DHTKD1: variants seen among roughly 807,000 people sequenced by gnomAD.
DHTKD1 encodes the protein 2-oxoadipate dehydrogenase complex component E1.
In DHTKD1, 78 loss-of-function variants were observed where a neutral mutation model predicts 101.8. The observed-to-expected ratio is 0.77, with a 90% CI of 0.64 to 0.93. The LOEUF (loss-of-function observed/expected upper bound fraction) is 0.93. DHTKD1 is among the 40% of genes least tolerant of loss of function. The pLI is 0.00. For synonymous variants in DHTKD1, 462 were observed against 450.3 expected, an observed-to-expected ratio of 1.03 and a Z score of -0.33; for missense variants, 1,223 against 1,161.7, an observed-to-expected ratio of 1.05 and a Z score of -0.77.
At chr10:12,109,331 G>A (rs1833294162) in intron 12 of DHTKD1, among the ~76,000 whole-genome samples, 2 of 151,808 alleles carry the variant, frequency 1.3e-5, no homozygotes, top group Non-Finnish European at 2.9e-5. Flanking sequence ...TGATGACATC[G>A]AGAATTTTAT....
chr10:12,086,517 C>T (rs912222722), intron 3 of DHTKD1, among the ~76,000 whole-genome samples: 3 of 151,446 alleles, frequency 2.0e-5, no homozygotes, highest in African/African-American at 7.3e-5. Context: ...CCGCGCCCAG[C>T]CTAAAATGTG....
intron 2 of DHTKD1, among the ~76,000 whole-genome samples, chr10:12,081,892 G>C (rs1832826017): frequency 6.6e-6 from 1 of 151,644 alleles, no homozygotes; most frequent in Admixed American, 6.6e-5. Context: ...TTGGGAGCCC[G>C]AGGTGGGAGA....
chr10:12,104,082 T>C (rs1025673741), intron 10 of DHTKD1, among the ~76,000 whole-genome samples: 4 of 152,210 alleles, frequency 2.6e-5, no homozygotes, highest in Non-Finnish European at 5.9e-5. Context: ...GGATGTTTCA[T>C]GTGACTAGAA....
chr10:12,079,733 C>T (rs1362985269), intron 1 of DHTKD1, among the ~76,000 whole-genome samples: 1 of 152,114 alleles, frequency 6.6e-6, no homozygotes, highest in East Asian at 1.9e-4. Flanking sequence ...CATAGTCTGT[C>T]TGGATTTTAG....
At position 12,107,905 on chromosome 10, in the gene DHTKD1, C is replaced by T. The variant is rs375385370; in HGVS notation, c.2048-4C>T. 3.2e-4 allele frequency: 509 copies of T among 1,606,634 alleles called. No homozygotes were observed. The highest frequency in any genetic ancestry group is 3.6e-4 in the Non-Finnish European group (419 of 1,173,414). Reference sequence around the variant, plus strand: ...CTCTTACTCCCCACGTGGTACTTTTCCAGGAGAGGCCAAGTGGCTCCTACA... The same window carrying T: ...CTCTTACTCCCCACGTGGTACTTTTTCAGGAGAGGCCAAGTGGCTCCTACA... On this transcript the variant is annotated splice_polypyrimidine_tract_variant and splice_region_variant and intron_variant, in intron 11 of 16. Transcript: ENST00000263035. This position sits in a 1 kb window ranked among gnomAD's most constrained non-coding sequence, Gnocchi z 4.1.
intron 13 of DHTKD1, among the ~76,000 whole-genome samples, chr10:12,114,827 G>A (rs1461270549): frequency 4.0e-5 from 6 of 151,864 alleles, no homozygotes; most frequent in African/African-American, 1.2e-4. Flanking sequence ...ACGGAGTCTC[G>A]CTCTGTCGCC....
Position 12,089,164 on chromosome 10 carries a change from G to T in DHTKD1, c.896G>T (p.Gly299Val), listed in dbSNP as rs754347762. 1 of 1,614,130 alleles carries T rather than the reference G, an allele frequency of 6.2e-7. No homozygotes were observed. The highest frequency in any genetic ancestry group is 1.1e-5 in the South Asian group (1 of 91,084). ...HLEAVNPVAVGKTRGRQQSRQ... is the reference protein window; with the variant it reads ...HLEAVNPVAVVKTRGRQQSRQ... ...GAGGCCGTCAACCCCGTGGCCGTGG[G>T]CAAAACTCGCGGCAGGCAGCAGTCT... Residue 299 changes from glycine (G) to valine (V), a missense_variant, in exon 5 of 17, where the codon GGC (glycine) becomes GTC (valine). Physicochemically the swap from Gly to Val is moderately radical, Grantham distance 109 (BLOSUM62 -3). Coordinates refer to ENST00000263035, the MANE Select transcript of DHTKD1 (RefSeq NM_018706.7).
Position 12,121,200 on chromosome 10 carries a change from A to C in DHTKD1, c.*312A>C. ...ACACCATTGCTGTCCAGCCTGGGTG[A>C]CAGAGCAAGACTGCGTTTCAAAAAA... On this transcript the variant is annotated 3_prime_UTR_variant, in exon 17 of 17. Coordinates refer to ENST00000263035, the MANE Select transcript of DHTKD1 (RefSeq NM_018706.7). 5.6e-6 allele frequency: 1 copy of C among 177,316 alleles called. No individual in the cohort carries two copies. The highest frequency in any genetic ancestry group is 1.3e-4 in the East Asian group (1 of 7,412). 11.0% of individuals were successfully genotyped at this position (177,316 alleles called of 1,614,324 possible). A position where few individuals can be genotyped will look rare whatever the true frequency, so the allele number is the denominator to read the frequency against.
Position 12,087,277 on chromosome 10 carries a change from ATTCTAAGGGGG to A in DHTKD1, c.523-255_523-245del, listed in dbSNP as rs1272459133. ...TGGATTCCAGTCCAGAAGAACACAC[ATTCTAAGGGGG>A]TTTCCTTGGGGTGAGTTATTCTGCC... On this transcript the variant is annotated intron_variant, in intron 3 of 16. Coordinates refer to ENST00000263035, the MANE Select transcript of DHTKD1 (RefSeq NM_018706.7). The surrounding 1 kb of genome is among the most constrained non-coding windows in gnomAD (Gnocchi z 5.2). Among the ~76,000 whole-genome samples, 1 of 152,142 alleles carries A rather than the reference ATTCTAAGGGGG, an allele frequency of 6.6e-6. No individual in the cohort carries two copies. The highest frequency in any genetic ancestry group is 1.5e-5 in the Non-Finnish European group (1 of 68,028).
chr10:12,090,989 G>A (rs1025965888), intron 5 of DHTKD1, among the ~76,000 whole-genome samples: 1 of 152,110 alleles, frequency 6.6e-6, no homozygotes, highest in Non-Finnish European at 1.5e-5. Flanking sequence ...CGGAGGCGGA[G>A]CTTGCAGTGA....
chr10:12,091,777 T>G, intron 6 of DHTKD1, 93 bp downstream of exon 6: 1 of 937,618 alleles, frequency 1.1e-6, no homozygotes, highest in Non-Finnish European at 1.6e-6. Context: ...GCCTCACTGG[T>G]TATCCCTCCT....
chr10:12,091,851 C>T (rs2131360878), intron 6 of DHTKD1, among the ~76,000 whole-genome samples, 167 bp downstream of exon 6: 1 of 152,144 alleles, frequency 6.6e-6, no homozygotes, highest in Non-Finnish European at 1.5e-5. Context: ...GTCACCCAGC[C>T]TGTAGTGCAG....
Position 12,120,944 on chromosome 10 carries a change from G to C in DHTKD1, c.*56G>C. 6.6e-7 allele frequency: 1 copy of C among 1,519,196 alleles called. No homozygotes were observed. Among genetic ancestry groups the C allele is most frequent in the East Asian group, 2.3e-5 (1 of 43,010 alleles). 94.1% of individuals were successfully genotyped at this position (1,519,196 alleles called of 1,614,324 possible). The stretch of plus-strand genomic sequence containing the variant: ...TTAAGAAAATGGCCATTAAGGCCGG[G>C]TGGGGTGGCACATGCCTGTAATCCC... On this transcript the variant is annotated 3_prime_UTR_variant, in exon 17 of 17. Coordinates refer to ENST00000263035, the MANE Select transcript of DHTKD1 (RefSeq NM_018706.7).
intron 4 of DHTKD1, among the ~76,000 whole-genome samples, chr10:12,088,459 C>A (rs1832936776): frequency 6.6e-6 from 1 of 150,988 alleles, no homozygotes; most frequent in Non-Finnish European, 1.5e-5. Context: ...AAGACAGAGC[C>A]AGATCCTGTC....
intron 13 of DHTKD1, among the ~76,000 whole-genome samples, chr10:12,117,246 G>T (rs1833432889): frequency 6.6e-6 from 1 of 151,402 alleles, no homozygotes; most frequent in Non-Finnish European, 1.5e-5. Context: ...CTGACCTCAG[G>T]TGATCCGCCC....
chr10:12,087,428 C>T lies in DHTKD1; in HGVS notation c.523-107C>T. ...TGTAGTAAAGTGGCATTGCTGTGGC[C>T]ACTTGGGGAGTGTGGGGCCATCTCA... On this transcript the variant is annotated intron_variant, in intron 3 of 16. Coordinates refer to ENST00000263035, the MANE Select transcript of DHTKD1 (RefSeq NM_018706.7). This position sits in a 1 kb window ranked among gnomAD's most constrained non-coding sequence, Gnocchi z 5.2. The T allele has an allele frequency of 2.2e-6, 2 of 890,742 alleles. No homozygotes were observed. Among genetic ancestry groups the T allele is most frequent in the Non-Finnish European group, 3.4e-6 (2 of 580,736 alleles). 55.2% of individuals were successfully genotyped at this position (890,742 alleles called of 1,614,324 possible).
rs746457654 is a variant in DHTKD1, at chr10:12,084,772, C to T, written c.522+21C>T. 46 of 1,609,624 alleles carry T rather than the reference C, an allele frequency of 2.9e-5. No individual in the cohort carries two copies. The Admixed American group carries it at 3.8e-4, about 13-fold the overall frequency. On this transcript the variant is annotated intron_variant, in intron 3 of 16. Transcript: ENST00000263035. ...CTCAGGTAAAAAGGAGCATCTAGGC[C>T]GGGCACGGTGGCTCATGCCTGTAAT... is the stretch of plus-strand genomic sequence containing the variant.
At chr10:12,112,580 CT>C (rs780599420) in intron 12 of DHTKD1, among the ~76,000 whole-genome samples, 137 of 152,148 alleles carry the variant, frequency 9.0e-4, no homozygotes, top group South Asian at 2.3e-3. Context: ...CTTCCTTCCC[CT>C]GTCTTAACCC....
At chr10:12,116,747 A>G (rs1833424206) in intron 13 of DHTKD1, among the ~76,000 whole-genome samples, 1 of 150,386 alleles carries the variant, frequency 6.6e-6, no homozygotes, top group African/African-American at 2.5e-5. Context: ...CCCAGGCTGG[A>G]GTGCAGTGGC....
Sources: allele counts gnomAD v4.1 joint callset (sites outside exome capture counted in the v4.1 genomes callset), GRCh38; gene constraint gnomAD v4.1.1; non-coding constraint Gnocchi (gnomAD v3.1); transcripts MANE v1.5; gene names NCBI Gene and HGNC (gene_info 2026-07-23, HGNC 2026-07-21).